Variants in SHISA3 observed in about 807,000 individuals in gnomAD.
SHISA3 encodes the protein shisa family member 3.
A neutral mutation model predicts 19.2 loss-of-function variants in SHISA3; 15 were observed. That is an observed-to-expected ratio of 0.78 (90% CI 0.52 to 1.20). The LOEUF (loss-of-function observed/expected upper bound fraction) is 1.20. Among genes scored for constraint, SHISA3 ranks in the 50% most tolerant of loss-of-function variants. SHISA3 has a pLI of 0.00. For synonymous variants in SHISA3, 145 were observed against 135.2 expected, an observed-to-expected ratio of 1.07 and a Z score of -0.50; for missense variants, 327 against 315.7, an observed-to-expected ratio of 1.04 and a Z score of -0.27.
chr4:42,397,712 A>C lies in SHISA3; in HGVS notation c.-345A>C. On this transcript the variant is annotated 5_prime_UTR_variant, in exon 1 of 2. Coordinates refer to ENST00000319234, the MANE Select transcript of SHISA3 (RefSeq NM_001080505.3). ...GCTATGGCTCCCTTGAGGAGTGGGG[A>C]GGGAGGTGGCCGGGGGGTTGGCGCG... 1 of 267,620 alleles carries C rather than the reference A, an allele frequency of 3.7e-6. No homozygotes were observed. The highest frequency in any genetic ancestry group is 7.0e-6 in the Non-Finnish European group (1 of 143,308). The allele number at this position is 267,620 out of a possible 1,614,324, so 16.6% of individuals were successfully genotyped here.
Position 42,401,200 on chromosome 4 carries a change from AGG to A in SHISA3, c.468_469del (p.Arg156SerfsTer28), listed in dbSNP as rs1560287612. 1 of 1,614,124 alleles carries A rather than the reference AGG, an allele frequency of 6.2e-7. No homozygotes were observed. The highest frequency in any genetic ancestry group is 8.5e-7 in the Non-Finnish European group (1 of 1,180,016). ...CATGATCCTGACCTCCACCAGCCCCAGGGCACCCTCCCGGCAGTCCAGCACAG... is the reference window on the plus strand; with the variant it reads ...CATGATCCTGACCTCCACCAGCCCCAGCACCCTCCCGGCAGTCCAGCACAG... ...LPMILTSTSP[R>X]APSRQSSTAT... On this transcript the variant is annotated frameshift_variant, in exon 2 of 2. Coordinates refer to ENST00000319234, the MANE Select transcript of SHISA3 (RefSeq NM_001080505.3). LOFTEE classifies it high-confidence loss of function.
chr4:42,400,766 T>C (rs1349249099), intron 1 of SHISA3, among the ~76,000 whole-genome samples: 1 of 152,118 alleles, frequency 6.6e-6, no homozygotes, highest in Non-Finnish European at 1.5e-5. Context: ...TGCAATATGA[T>C]AGTTAATTGC....
chr4:42,398,474 A>G lies in SHISA3; in HGVS notation c.277+141A>G, dbSNP rs1450515101. 4.4e-6 allele frequency: 4 copies of G among 904,504 alleles called. No homozygotes were observed. In the Admixed American group the frequency reaches 1.2e-4, roughly 27 times the overall value. 56.0% of individuals were successfully genotyped at this position (904,504 alleles called of 1,614,324 possible). A position where few individuals can be genotyped will look rare whatever the true frequency, so the allele number is the denominator to read the frequency against. Reference sequence around the variant, plus strand: ...CCAGGGGGACGCGGCCGGGTGGGGGAATCAAGGGATGAGTGGGTGGTCGCG... The same window carrying G: ...CCAGGGGGACGCGGCCGGGTGGGGGGATCAAGGGATGAGTGGGTGGTCGCG... On this transcript the variant is annotated intron_variant, in intron 1 of 1. Transcript: ENST00000319234.
rs1711925513 is a variant in SHISA3 at position 42,401,570 on chromosome 4, C to A, written c.*119C>A. Reference sequence around the variant, plus strand: ...GTAACTGATCAGTGTCATGGAGGAGCATGCTAGGAAAACACAGCACCTTCT... The same window carrying A: ...GTAACTGATCAGTGTCATGGAGGAGAATGCTAGGAAAACACAGCACCTTCT... On this transcript the variant is annotated 3_prime_UTR_variant, in exon 2 of 2. Transcript: ENST00000319234. 4.5e-6 allele frequency: 5 copies of A among 1,102,938 alleles called. No individual in the cohort carries two copies. Among genetic ancestry groups the A allele is most frequent in the East Asian group, 2.5e-5 (1 of 39,550 alleles). 68.3% of individuals were successfully genotyped at this position (1,102,938 alleles called of 1,614,324 possible). A position where few individuals can be genotyped will look rare whatever the true frequency, so the allele number is the denominator to read the frequency against.
At chr4:42,399,082 A>C (rs1021624020) in intron 1 of SHISA3, among the ~76,000 whole-genome samples, 4 of 152,092 alleles carry the variant, frequency 2.6e-5, no homozygotes, top group African/African-American at 4.8e-5. Flanking sequence ...AGCAGAGAAA[A>C]TTTACACCTT....
At chr4:42,400,879 C>A in intron 1 of SHISA3, 133 bp from the exon 2 acceptor site, 1 of 853,158 alleles carries the variant, frequency 1.2e-6, no homozygotes, top group Admixed American at 2.4e-5. Context: ...CATTAACAAG[C>A]TCTGAAAAAC....
In SHISA3 at chr4:42,401,485, A is replaced by G; in HGVS notation, c.*34A>G. The G allele has an allele frequency of 6.5e-7, 1 of 1,531,696 alleles. No individual in the cohort carries two copies. The highest frequency in any genetic ancestry group is 1.4e-5 in the African/African-American group (1 of 72,414). The allele number at this position is 1,531,696 out of a possible 1,614,324, so 94.9% of individuals were successfully genotyped here. The stretch of plus-strand genomic sequence containing the variant: ...GGCCATGAATCCACAACTCAGTCAG[A>G]TGGCAGACAGGTGGAGCCCTGCTCC... On this transcript the variant is annotated 3_prime_UTR_variant, in exon 2 of 2. Transcript: ENST00000319234.
chr4:42,398,310 T>C lies in SHISA3; in HGVS notation c.254T>C (p.Leu85Pro), dbSNP rs1711807336. The C allele has an allele frequency of 6.4e-7, 1 of 1,560,826 alleles. No individual in the cohort carries two copies. The highest frequency in any genetic ancestry group is 2.4e-5 in the East Asian group (1 of 41,798). Residue 85 changes from leucine to proline, a missense_variant, in exon 1 of 2, where the codon CTG becomes CCG. Physicochemically the swap from Leu to Pro is moderately conservative, Grantham distance 98 (BLOSUM62 -3). Transcript: ENST00000319234. ...QGGCTNDRRE[L>P]EHPGITAQPV... Reference sequence around the variant, plus strand: ...GGCTGCACCAACGACCGCCGCGAACTGGAGCACCCAGGCATCACTGCGCGT... The same window carrying C: ...GGCTGCACCAACGACCGCCGCGAACCGGAGCACCCAGGCATCACTGCGCGT...
Position 42,402,005 on chromosome 4 carries a change from A to G in SHISA3, c.*554A>G, listed in dbSNP as rs1711938398. The G allele has an allele frequency of 6.6e-6, 1 of 152,296 alleles. No homozygotes were observed. The highest frequency in any genetic ancestry group is 2.4e-5 in the African/African-American group (1 of 41,464). The allele number at this position is 152,296 out of a possible 1,614,324, so 9.4% of individuals were successfully genotyped here. A position where few individuals can be genotyped will look rare whatever the true frequency, so the allele number is the denominator to read the frequency against. Reference sequence around the variant, plus strand: ...ATGAGAACATTTACTTTTTAAATAAATAACTAAATTTTGTTTACAATATGA... The same window carrying G: ...ATGAGAACATTTACTTTTTAAATAAGTAACTAAATTTTGTTTACAATATGA... On this transcript the variant is annotated 3_prime_UTR_variant, in exon 2 of 2. Transcript: ENST00000319234.
In SHISA3 at chr4:42,401,607, TC is replaced by T. The variant is rs1163650368; in HGVS notation, c.*158del. ...ACACAGCACCTTCTAATTTGAAAGT[TC>T]CTGTCTCCAATCACAGAAAGGCTAA... On this transcript the variant is annotated 3_prime_UTR_variant, in exon 2 of 2. Coordinates refer to ENST00000319234, the MANE Select transcript of SHISA3 (RefSeq NM_001080505.3). The T allele has an allele frequency of 4.0e-6, 3 of 757,910 alleles. No individual in the cohort carries two copies. Among genetic ancestry groups the T allele is most frequent in the Admixed American group, 3.3e-5 (1 of 30,378 alleles). The allele number at this position is 757,910 out of a possible 1,614,324, so 46.9% of individuals were successfully genotyped here.
intron 1 of SHISA3, 35 bp from the exon 2 acceptor site, chr4:42,400,977 C>T (rs1381449554): frequency 6.3e-7 from 1 of 1,592,850 alleles, no homozygotes; most frequent in East Asian, 2.2e-5. Flanking sequence ...AGATCCTCAT[C>T]TGAGCATCTG....
chr4:42,398,008 CG>C lies in SHISA3; in HGVS notation c.-48del. On this transcript the variant is annotated 5_prime_UTR_variant, in exon 1 of 2. Transcript: ENST00000319234. ...CGCCCTGAGCCCGGGCTCAGCCCTTCGCTTTCCAGCTGCGTCCTGCTCCCGG... is the reference window on the plus strand; with the variant it reads ...CGCCCTGAGCCCGGGCTCAGCCCTTCCTTTCCAGCTGCGTCCTGCTCCCGG... The C allele has an allele frequency of 1.4e-6, 2 of 1,467,036 alleles. No individual in the cohort carries two copies. The highest frequency in any genetic ancestry group is 1.8e-6 in the Non-Finnish European group (2 of 1,110,660). 90.9% of individuals were successfully genotyped at this position (1,467,036 alleles called of 1,614,324 possible).
Position 42,401,166 on chromosome 4 carries a change from G to GA in SHISA3, c.433dup (p.Thr145AsnfsTer40), listed in dbSNP as rs768516293. The GA allele has an allele frequency of 6.2e-7, 1 of 1,614,190 alleles. No individual in the cohort carries two copies. Among genetic ancestry groups the GA allele is most frequent in the East Asian group, 2.2e-5 (1 of 44,884 alleles). On this transcript the variant is annotated frameshift_variant, in exon 2 of 2. Transcript: ENST00000319234. LOFTEE classifies it high-confidence loss of function. ...TCTCACTCCGCAGCTATCAGACAGA[G>GA]ACCCTGCCCATGATCCTGACCTCCA...
chr4:42,401,933 CTATT>C lies in SHISA3; in HGVS notation c.*486_*489del, dbSNP rs1194867569. 6.5e-6 allele frequency: 1 copy of C among 153,066 alleles called. No homozygotes were observed. Among genetic ancestry groups the C allele is most frequent in the Non-Finnish European group, 1.5e-5 (1 of 68,742 alleles). The allele number at this position is 153,066 out of a possible 1,614,324, so 9.5% of individuals were successfully genotyped here. A position where few individuals can be genotyped will look rare whatever the true frequency, so the allele number is the denominator to read the frequency against. On this transcript the variant is annotated 3_prime_UTR_variant, in exon 2 of 2. Transcript: ENST00000319234. Reference sequence around the variant, plus strand: ...TAAACTTAAGGGGGCAGTGAAAAATCTATTTATGATTTCGGGAGTAACCTAACCA... The same window carrying C: ...TAAACTTAAGGGGGCAGTGAAAAATCTATGATTTCGGGAGTAACCTAACCA...
chr4:42,401,787 T>C lies in SHISA3; in HGVS notation c.*336T>C, dbSNP rs1273834002. ...TCAGCTATATTGCTTAGAAAAGGGC[T>C]ACATGTTTCTTTTTCATATAAGTTG... On this transcript the variant is annotated 3_prime_UTR_variant, in exon 2 of 2. Coordinates refer to ENST00000319234, the MANE Select transcript of SHISA3 (RefSeq NM_001080505.3). The C allele has an allele frequency of 4.5e-6, 1 of 222,632 alleles. No homozygotes were observed. Among genetic ancestry groups the C allele is most frequent in the Admixed American group, 5.3e-5 (1 of 18,838 alleles). The allele number at this position is 222,632 out of a possible 1,614,324, so 13.8% of individuals were successfully genotyped here. A position where few individuals can be genotyped will look rare whatever the true frequency, so the allele number is the denominator to read the frequency against.
chr4:42,397,828 C>A lies in SHISA3; in HGVS notation c.-229C>A. ...TGCCGGCGCCTCCCGCAGGCCCTCGCCAACTCGCCCCGCGCACCATGCTGA... is the reference window on the plus strand; with the variant it reads ...TGCCGGCGCCTCCCGCAGGCCCTCGACAACTCGCCCCGCGCACCATGCTGA... On this transcript the variant is annotated 5_prime_UTR_variant, in exon 1 of 2. Transcript: ENST00000319234. 1 of 442,982 alleles carries A rather than the reference C, an allele frequency of 2.3e-6. No homozygotes were observed. Among genetic ancestry groups the A allele is most frequent in the African/African-American group, 2.1e-5 (1 of 48,718 alleles). 27.4% of individuals were successfully genotyped at this position (442,982 alleles called of 1,614,324 possible).
Position 42,398,789 on chromosome 4 carries a change from A to G in SHISA3, c.277+456A>G, listed in dbSNP as rs142229515. Among the ~76,000 whole-genome samples, 636 of 152,042 alleles carry G rather than the reference A, an allele frequency of 4.2e-3. 9 individuals are homozygous for G. The highest frequency in any genetic ancestry group is 0.014 in the African/African-American group (587 of 41,480). On this transcript the variant is annotated intron_variant, in intron 1 of 1. Transcript: ENST00000319234. Reference sequence around the variant, plus strand: ...GAATCGCGACTCTTGTCGCGCGCTCATTTGCAGCCCTTCAGGGCTAAGAAA... The same window carrying G: ...GAATCGCGACTCTTGTCGCGCGCTCGTTTGCAGCCCTTCAGGGCTAAGAAA...
At position 42,401,401 on chromosome 4, in the gene SHISA3, C is replaced by T; in HGVS notation, c.667C>T (p.Gln223Ter). The T allele has an allele frequency of 6.2e-7, 1 of 1,604,414 alleles. No individual in the cohort carries two copies. Residue 223 changes from glutamine (Q) to a stop codon, truncating the protein, a stop_gained, in exon 2 of 2, where the codon CAG becomes TAG. Transcript: ENST00000319234. LOFTEE classifies it high-confidence loss of function. The stretch of plus-strand genomic sequence containing the variant: ...CCAGTATTTCGCTTACCCCCTCCAG[C>T]AGGAGCCCCCACTGCCTGGGAAGAG... ...SPQYFAYPLQQEPPLPGKSCP... is the reference protein window; with the variant it reads ...SPQYFAYPLQ
chr4:42,401,445 C>G lies in SHISA3; in HGVS notation c.711C>G (p.Ser237=). 1 of 1,568,996 alleles carries G rather than the reference C, an allele frequency of 6.4e-7. No individual in the cohort carries two copies. Among genetic ancestry groups the G allele is most frequent in the Non-Finnish European group, 8.6e-7 (1 of 1,158,604 alleles). Residue 237 remains serine (S), a synonymous_variant, in exon 2 of 2, where the codon TCC becomes TCG. Transcript: ENST00000319234. ...GGAAGAGCTGTCCAGACTTCAGTTC[C>G]AGTTGACACGCCCAGGCCATGAATC... ...LPGKSCPDFS[S]S
Sources: allele counts gnomAD v4.1 joint callset (sites outside exome capture counted in the v4.1 genomes callset), GRCh38; gene constraint gnomAD v4.1.1; transcripts MANE v1.5; gene names NCBI Gene and HGNC (gene_info 2026-07-23, HGNC 2026-07-21).